Variants in KLHL20 observed in about 807,000 individuals in gnomAD.
The protein encoded by KLHL20 is kelch like family member 20, also known as kelch-like protein 20.
A neutral mutation model predicts 69.5 loss-of-function variants in KLHL20; 29 were observed. The ratio of observed to expected loss-of-function variants is 0.42; its 90% CI spans 0.31 to 0.57. The LOEUF is 0.57. Ranked by LOEUF, KLHL20 falls within the 20% of genes least tolerant of loss-of-function variation. The pLI is 0.18. For synonymous variants in KLHL20, 253 were observed against 265.2 expected, an observed-to-expected ratio of 0.95 and a Z score of 0.45; for missense variants, 419 against 776.0, an observed-to-expected ratio of 0.54 and a Z score of 5.47.
At chr1:173,784,451 GTTTC>G (rs1649078776) in intron 11 of KLHL20, among the ~76,000 whole-genome samples, 2 of 152,158 alleles carry the variant, frequency 1.3e-5, no homozygotes, top group Admixed American at 1.3e-4. Flanking sequence ...CTGAGGACTT[GTTTC>G]TTAGTAACTG....
At chr1:173,768,430 T>C (rs1275643802) in intron 8 of KLHL20, among the ~76,000 whole-genome samples, 1 of 152,240 alleles carries the variant, frequency 6.6e-6, no homozygotes, top group African/African-American at 2.4e-5. Flanking sequence ...TAGTTTACCA[T>C]GTATATGTTG....
chr1:173,747,208 A>G (rs1372245261), intron 3 of KLHL20, among the ~76,000 whole-genome samples: 1 of 151,890 alleles, frequency 6.6e-6, no homozygotes, highest in Non-Finnish European at 1.5e-5. Flanking sequence ...TATGCATAAG[A>G]TATACCTTAT....
intron 2 of KLHL20, among the ~76,000 whole-genome samples, chr1:173,729,757 A>G (rs1031133821): frequency 6.6e-6 from 1 of 152,210 alleles, no homozygotes; most frequent in African/African-American, 2.4e-5. Context: ...CCCACAGCCA[A>G]TATCATACTG....
intron 2 of KLHL20, among the ~76,000 whole-genome samples, chr1:173,728,945 T>C (rs1043743784): frequency 1.3e-5 from 2 of 152,182 alleles, no homozygotes; most frequent in African/African-American, 4.8e-5. Context: ...AGGAGCTGGT[T>C]TTTTGAAAAG....
intron 3 of KLHL20, among the ~76,000 whole-genome samples, chr1:173,750,807 T>A (rs1201952117): frequency 6.6e-6 from 1 of 152,186 alleles, no homozygotes; most frequent in Non-Finnish European, 1.5e-5. Flanking sequence ...ATAGTTCTCC[T>A]GCCTCAGCCT....
At chr1:173,751,484 TA>T (rs1224411683) in intron 3 of KLHL20, among the ~76,000 whole-genome samples, 1 of 152,200 alleles carries the variant, frequency 6.6e-6, no homozygotes, top group Non-Finnish European at 1.5e-5. Flanking sequence ...TTGATATAGT[TA>T]ATTTGTCTTA....
chr1:173,715,890 T>C (rs1410249610), intron 1 of KLHL20, 113 bp from the exon 2 acceptor site: 3 of 715,254 alleles, frequency 4.2e-6, no homozygotes, highest in Non-Finnish European at 4.8e-6. Flanking sequence ...TGTGGTATAA[T>C]AGGATATGAA....
rs766727722 is a variant in KLHL20 at position 173,751,913 on chromosome 1, A to G, written c.747A>G (p.Gln249=). The part of the protein sequence containing the change: ...VKYSIQERRP[Q]LPQVLQHVRL... ...ACAGTATTCAGGAAAGACGTCCTCAATTACCCCAGGTAATGATAGAAATTC... is the reference window on the plus strand; with the variant it reads ...ACAGTATTCAGGAAAGACGTCCTCAGTTACCCCAGGTAATGATAGAAATTC... Residue 249 remains glutamine (Q), a synonymous_variant, in exon 4 of 12, where the codon CAA becomes CAG. Transcript: ENST00000209884. The G allele has an allele frequency of 1.4e-5, 22 of 1,613,570 alleles. No individual in the cohort carries two copies. Among genetic ancestry groups the G allele is most frequent in the South Asian group, 2.2e-5 (2 of 91,006 alleles).
intron 8 of KLHL20, among the ~76,000 whole-genome samples, chr1:173,768,334 A>G (rs987298095): frequency 1.3e-5 from 2 of 152,164 alleles, no homozygotes; most frequent in African/African-American, 2.4e-5. Context: ...CTCATGTGCT[A>G]TGATTACTGA....
chr1:173,734,333 T>C (rs1351239190), intron 3 of KLHL20, 47 bp downstream of exon 3: 2 of 1,497,998 alleles, frequency 1.3e-6, no homozygotes, highest in Admixed American at 1.7e-5. Flanking sequence ...TGGAGAGCAA[T>C]ATGGGTTCAC....
intron 8 of KLHL20, among the ~76,000 whole-genome samples, 156 bp from the exon 9 acceptor site, chr1:173,774,149 C>T (rs578148173): frequency 3.9e-5 from 6 of 152,196 alleles, no homozygotes; most frequent in South Asian, 2.1e-4. Flanking sequence ...AATTCTAAGA[C>T]GTTTTTCTAA....
chr1:173,778,129 A>G (rs141516968), intron 10 of KLHL20, among the ~76,000 whole-genome samples: 1 of 152,122 alleles, frequency 6.6e-6, no homozygotes, highest in East Asian at 1.9e-4. Context: ...GGTTTGATAC[A>G]TAGGTCTACA....
At chr1:173,753,852 G>A (rs1484447735) in intron 5 of KLHL20, among the ~76,000 whole-genome samples, 1 of 151,960 alleles carries the variant, frequency 6.6e-6, no homozygotes, top group East Asian at 1.9e-4. Flanking sequence ...CAAAGGGGGG[G>A]AAAAAAGCAA....
At chr1:173,780,320 A>C (rs951160171) in intron 10 of KLHL20, among the ~76,000 whole-genome samples, 17 of 152,246 alleles carry the variant, frequency 1.1e-4, no homozygotes, top group Non-Finnish European at 2.2e-4. Context: ...AACTATAATA[A>C]ATAAACCCTA....
intron 8 of KLHL20, among the ~76,000 whole-genome samples, chr1:173,773,455 T>A (rs1452398470): frequency 1.3e-5 from 2 of 150,258 alleles, no homozygotes; most frequent in Admixed American, 1.3e-4. Context: ...AAATATTAAT[T>A]AAAATTTTTT....
At chr1:173,762,196 C>T (rs1420860549) in intron 7 of KLHL20, among the ~76,000 whole-genome samples, 1 of 152,010 alleles carries the variant, frequency 6.6e-6, no homozygotes, top group Non-Finnish European at 1.5e-5. Context: ...CCTGAACAGA[C>T]CAATAACAAG....
rs1426101906 is a variant in KLHL20 at position 173,731,520 on chromosome 1, T to C, written c.24-2193T>C. Among the ~76,000 whole-genome samples, 3 of 152,148 alleles carry C rather than the reference T, an allele frequency of 2.0e-5. No individual in the cohort carries two copies. In the East Asian group the frequency reaches 5.8e-4, roughly 29 times the overall value. On this transcript the variant is annotated intron_variant, in intron 2 of 11. Transcript: ENST00000209884. ...AAGGAAATGTGGCACATATACACCA[T>C]GGAATACTATGCAGCCATAAAAAAT...
At chr1:173,761,839 T>TCAAACC (rs956610872) in intron 7 of KLHL20, among the ~76,000 whole-genome samples, 2 of 151,052 alleles carry the variant, frequency 1.3e-5, no homozygotes, top group Non-Finnish European at 3.0e-5. Context: ...CAAGAACCAA[T>TCAAACC]CAAACCCAAA....
intron 3 of KLHL20, chr1:173,734,660 A>G (rs1490680488): frequency 4.7e-6 from 1 of 212,178 alleles, no homozygotes; most frequent in Non-Finnish European, 9.5e-6. Flanking sequence ...AGAATAAATT[A>G]TAGATTATAG....
Sources: allele counts gnomAD v4.1 joint callset (sites outside exome capture counted in the v4.1 genomes callset), GRCh38; gene constraint gnomAD v4.1.1; transcripts MANE v1.5; gene names NCBI Gene and HGNC (gene_info 2026-07-23, HGNC 2026-07-21).